The following SLC36A1 variants were observed in gnomAD, a reference collection of about 807,000 sequenced individuals.
SLC36A1 encodes proton-coupled amino acid transporter 1.
SLC36A1 carries 30 observed loss-of-function variants against 47.5 expected under a neutral mutation model. That is an observed-to-expected ratio of 0.63 (90% CI 0.47 to 0.86). The LOEUF is 0.86. SLC36A1 is among the 40% of genes least tolerant of loss of function. The probability of loss-of-function intolerance (pLI) is 0.00; values close to 1 mark genes in which losing one functional copy is unlikely to be tolerated. For synonymous variants in SLC36A1, 255 were observed against 249.7 expected (o/e 1.02, Z -0.20); for missense variants, 517 against 606.0 (o/e 0.85, Z 1.54).
chr5:151,480,798 T>C (rs780042076), intron 10 of SLC36A1, among the ~76,000 whole-genome samples: 16 of 152,198 alleles, frequency 1.1e-4, no homozygotes, highest in Non-Finnish European at 2.1e-4. Flanking sequence ...TGTATGGTAT[T>C]TATAATGTAA....
intron 1 of SLC36A1, among the ~76,000 whole-genome samples, chr5:151,454,880 T>G (rs1754263917): frequency 6.6e-6 from 1 of 151,980 alleles, no homozygotes; most frequent in African/African-American, 2.4e-5. Context: ...GCCCGGCTAA[T>G]TTTTTGTATT....
chr5:151,392,283 C>G, the SLC36A1 span, among the ~76,000 whole-genome samples: 1 of 152,008 alleles, frequency 6.6e-6, no homozygotes, highest in East Asian at 1.9e-4. Flanking sequence ...CTATTTGCTT[C>G]TTCTCCTTTT....
At chr5:151,543,231 A>C in the SLC36A1 span, 1 of 1,614,146 alleles carries the variant, frequency 6.2e-7, no homozygotes, top group Non-Finnish European at 8.5e-7. Context: ...TTTCAATGAC[A>C]TCTTTAACTA....
chr5:151,384,639 T>C, the SLC36A1 span, among the ~76,000 whole-genome samples: 1 of 152,340 alleles, frequency 6.6e-6, no homozygotes, highest in African/African-American at 2.4e-5. Context: ...ATAGGTTATA[T>C]AGCAAAACTA....
the SLC36A1 span, among the ~76,000 whole-genome samples, chr5:151,383,359 G>A: frequency 6.6e-6 from 1 of 152,110 alleles, no homozygotes; most frequent in African/African-American, 2.4e-5. Context: ...TATTTGGTCT[G>A]CAGTATTGTA....
the SLC36A1 span, among the ~76,000 whole-genome samples, chr5:151,519,170 C>T: frequency 2.6e-5 from 4 of 152,084 alleles, no homozygotes; most frequent in African/African-American, 7.2e-5. Context: ...GTGGTGAAAC[C>T]CCGTCTCTAC....
the SLC36A1 span, among the ~76,000 whole-genome samples, chr5:151,371,942 T>A: frequency 1.3e-5 from 2 of 152,240 alleles, no homozygotes; most frequent in Non-Finnish European, 2.9e-5. Context: ...ACTGTTACAC[T>A]CTGGATGGGA....
the SLC36A1 span, among the ~76,000 whole-genome samples, chr5:151,383,347 T>A: frequency 6.6e-6 from 1 of 152,106 alleles, no homozygotes; most frequent in Non-Finnish European, 1.5e-5. Context: ...CTAGAATGGT[T>A]CTATTTGGTC....
At chr5:151,447,237 T>C (rs1386069098), upstream of SLC36A1, among the ~76,000 whole-genome samples, 2 of 152,244 alleles carry the variant, frequency 1.3e-5, no homozygotes, top group Non-Finnish European at 2.9e-5. Flanking sequence ...TGATAGTTTG[T>C]GTATGCTTCT....
chr5:151,348,795 A>G, the SLC36A1 span, among the ~76,000 whole-genome samples: 197 of 152,326 alleles, frequency 1.3e-3, no homozygotes, highest in African/African-American at 4.5e-3. Flanking sequence ...TCACAGCTGG[A>G]ACTCGGTAAA....
the SLC36A1 span, chr5:151,527,873 A>T: frequency 7.7e-7 from 1 of 1,306,842 alleles, no homozygotes. Context: ...AGTGAGAGAC[A>T]TTCTGGGAAG....
the SLC36A1 span, among the ~76,000 whole-genome samples, chr5:151,540,959 C>G: frequency 1.3e-5 from 2 of 152,198 alleles, no homozygotes; most frequent in Non-Finnish European, 2.9e-5. Flanking sequence ...TCAAATGCCT[C>G]CTGTTGAATG....
At chr5:151,549,645 T>C in the SLC36A1 span, 3 of 665,814 alleles carry the variant, frequency 4.5e-6, no homozygotes, top group Non-Finnish European at 7.8e-6. Flanking sequence ...TAAATGTTGT[T>C]CTAATCTATA....
At chr5:151,444,692 G>A (rs151278069), upstream of SLC36A1, among the ~76,000 whole-genome samples, 16 of 152,236 alleles carry the variant, frequency 1.1e-4, 1 homozygote, top group East Asian at 2.5e-3. Context: ...CACCATGTTG[G>A]CCAAGCTAGT....
the SLC36A1 span, among the ~76,000 whole-genome samples, chr5:151,526,174 A>C: frequency 2.0e-5 from 3 of 152,216 alleles, no homozygotes; most frequent in African/African-American, 7.2e-5. Flanking sequence ...CCCCAAGGGC[A>C]ATGTTGGGTC....
At chr5:151,446,000 T>TTCTTTTAACTTTGGG (rs1752895495), upstream of SLC36A1, among the ~76,000 whole-genome samples, 1 of 152,134 alleles carries the variant, frequency 6.6e-6, no homozygotes, top group Admixed American at 6.5e-5. Flanking sequence ...CTTTCTTTTC[T>TTCTTTTAACTTTGGG]TCTTTTAACT....
rs1182678282 is a variant in SLC36A1, at chr5:151,491,551, CT to C, written c.*3298del. Reference sequence around the variant, plus strand: ...CAGATTTCTCCCTTCCTAGAACATTCTCTCTGTTTAGCACTAATGTTCACCT... The same window carrying C: ...CAGATTTCTCCCTTCCTAGAACATTCCTCTGTTTAGCACTAATGTTCACCT... On this transcript the variant is annotated 3_prime_UTR_variant, in exon 11 of 11. Coordinates refer to ENST00000243389, the MANE Select transcript of SLC36A1 (RefSeq NM_078483.4). The C allele has an allele frequency of 6.6e-6, 1 of 152,648 alleles. No homozygotes were observed. The highest frequency in any genetic ancestry group is 1.9e-4 in the East Asian group (1 of 5,202). 9.5% of individuals were successfully genotyped at this position (152,648 alleles called of 1,614,324 possible).
At chr5:151,537,516 AT>A in the SLC36A1 span, among the ~76,000 whole-genome samples, 1 of 149,990 alleles carries the variant, frequency 6.7e-6, no homozygotes, top group Non-Finnish European at 1.5e-5. Context: ...AAAGAATAAA[AT>A]AAATCCCCTT....
the SLC36A1 span, among the ~76,000 whole-genome samples, chr5:151,382,620 G>A: frequency 0.5 from 75,239 of 151,966 alleles, 20,631 homozygotes; most frequent in African/African-American, 0.75. Context: ...ACCATAGTGT[G>A]CATGTGGGCA....
Sources: gnomAD v4.1 joint callset for allele counts (sites outside exome capture counted in the v4.1 genomes callset) on GRCh38, gnomAD v4.1.1 for gene constraint, MANE v1.5 for transcripts, NCBI Gene and HGNC (gene_info 2026-07-23, HGNC 2026-07-21) for gene names.